The following WDR59 variants were observed in gnomAD, a reference collection of about 807,000 sequenced individuals.
The protein encoded by WDR59 is WD repeat domain 59.
Under a neutral mutation model 131.2 loss-of-function variants are expected in WDR59, and 100 were observed. The ratio of observed to expected loss-of-function variants is 0.76; its 90% CI spans 0.65 to 0.90. The LOEUF (loss-of-function observed/expected upper bound fraction) is 0.90, where lower values mean the gene tolerates loss of function less well. WDR59 is among the 40% of genes least tolerant of loss of function. WDR59 has a pLI of 0.00. For synonymous variants in WDR59, 601 were observed against 466.2 expected, an observed-to-expected ratio of 1.29 and a Z score of -3.72; for missense variants, 1,203 against 1,262.2, an observed-to-expected ratio of 0.95 and a Z score of 0.71.
At position 74,916,273 on chromosome 16, in the gene WDR59, T is replaced by C; in HGVS notation, c.967-14A>G. 6.2e-7 allele frequency: 1 copy of C among 1,613,480 alleles called. No homozygotes were observed. The highest frequency in any genetic ancestry group is 8.5e-7 in the Non-Finnish European group (1 of 1,179,858). On this transcript the variant is annotated splice_polypyrimidine_tract_variant and intron_variant, in intron 11 of 25. Transcript: ENST00000262144. Reference sequence around the variant, plus strand: ...ATTTGCACAAAGCTGCAACAAAGGGTAGAAGATGTAGTTCTAGAGAAGTCC... The same window carrying C: ...ATTTGCACAAAGCTGCAACAAAGGGCAGAAGATGTAGTTCTAGAGAAGTCC...
At chr16:74,978,326 A>T (rs1229305318) in intron 1 of WDR59, among the ~76,000 whole-genome samples, 1 of 150,102 alleles carries the variant, frequency 6.7e-6, no homozygotes, top group Non-Finnish European at 1.5e-5. Context: ...GTCTCAAAAA[A>T]AAAAAAAAAA....
At chr16:74,959,529 G>C in intron 2 of WDR59, 1 of 453,788 alleles carries the variant, frequency 2.2e-6, no homozygotes, top group Admixed American at 2.4e-5. Context: ...GCTGCAGGCC[G>C]AGGCAGAAGC....
At chr16:74,926,925 T>C (rs2030869422) in intron 8 of WDR59, among the ~76,000 whole-genome samples, 1 of 152,350 alleles carries the variant, frequency 6.6e-6, no homozygotes, top group East Asian at 1.9e-4. Context: ...GGGAGAGTTC[T>C]ATGTGCCAAC....
rs907065299 is a variant in WDR59 at position 74,889,871 on chromosome 16, C to T, written c.2083-56G>A. On this transcript the variant is annotated intron_variant, in intron 20 of 25. Transcript: ENST00000262144. ...AACTGGCAAGGACAAGAACCGAAAC[C>T]ATGAAGCAATCCCACCTGTCTTCCA... is the stretch of plus-strand genomic sequence containing the variant. The T allele has an allele frequency of 1.7e-5, 24 of 1,375,586 alleles. 1 individual carries two copies. The highest frequency in any genetic ancestry group is 1.8e-4 in the Middle Eastern group (1 of 5,566). 85.2% of individuals were successfully genotyped at this position (1,375,586 alleles called of 1,614,324 possible).
At chr16:74,944,789 A>G (rs372679689) in intron 6 of WDR59, among the ~76,000 whole-genome samples, 1 of 152,116 alleles carries the variant, frequency 6.6e-6, no homozygotes. Flanking sequence ...CCATTTTTTA[A>G]GAAAGATCTA....
intron 1 of WDR59, among the ~76,000 whole-genome samples, chr16:74,980,504 C>A (rs1272099911): frequency 6.6e-6 from 1 of 151,554 alleles, no homozygotes; most frequent in African/African-American, 2.4e-5. Context: ...CAGGCACACG[C>A]CACCATGCCT....
chr16:74,916,073 A>C, intron 12 of WDR59, 54 bp downstream of exon 12: 1 of 1,613,806 alleles, frequency 6.2e-7, no homozygotes, highest in Non-Finnish European at 8.5e-7. Context: ...ATCTGCCACA[A>C]CTCTGCAATG....
chr16:74,947,977 G>C (rs1327909194), intron 6 of WDR59, among the ~76,000 whole-genome samples: 1 of 152,142 alleles, frequency 6.6e-6, no homozygotes, highest in Admixed American at 6.6e-5. Context: ...GACTGAGGGA[G>C]GAGAATTGCT....
In WDR59 at chr16:74,960,134, A is replaced by G. The variant is rs183242009; in HGVS notation, c.105-3524T>C. Among the ~76,000 whole-genome samples the G allele has an allele frequency of 3.8e-3, 583 of 152,118 alleles. 4 individuals carry two copies. Among genetic ancestry groups the G allele is most frequent in the South Asian group, 7.5e-3 (36 of 4,818 alleles). On this transcript the variant is annotated intron_variant, in intron 2 of 25. Transcript: ENST00000262144. ...TGCCTGAGCTCAGGGGCTTGAGACC[A>G]GCCTGGGCAAAACGGTGAAACCCCG...
chr16:74,968,115 T>C (rs1441794195), intron 1 of WDR59, among the ~76,000 whole-genome samples: 1 of 151,996 alleles, frequency 6.6e-6, no homozygotes, highest in Non-Finnish European at 1.5e-5. Flanking sequence ...AGAATGGAGG[T>C]TGCCAGGGTC....
intron 25 of WDR59, among the ~76,000 whole-genome samples, chr16:74,876,697 A>G (rs570135419): frequency 6.6e-6 from 1 of 152,274 alleles, no homozygotes; most frequent in East Asian, 1.9e-4. Context: ...AAATTCACAA[A>G]GACAGAAAAC....
At chr16:74,891,232 G>A (rs1023296451) in intron 20 of WDR59, among the ~76,000 whole-genome samples, 1 of 151,858 alleles carries the variant, frequency 6.6e-6, no homozygotes, top group African/African-American at 2.4e-5. Flanking sequence ...TCAAAAGAAA[G>A]AAGATATGGA....
chr16:74,955,895 T>C (rs1054630067), intron 3 of WDR59, among the ~76,000 whole-genome samples: 1 of 152,194 alleles, frequency 6.6e-6, no homozygotes, highest in Non-Finnish European at 1.5e-5. Flanking sequence ...CCAGAATCTT[T>C]TTGTATAAAG....
Position 74,921,909 on chromosome 16 carries a change from C to G in WDR59, c.886+38G>C, listed in dbSNP as rs760376552. The G allele has an allele frequency of 8.7e-6, 14 of 1,602,280 alleles. No individual in the cohort carries two copies. The African/African-American group carries it at 1.5e-4, about 17-fold the overall frequency. On this transcript the variant is annotated intron_variant, in intron 10 of 25. Transcript: ENST00000262144. ...CTGACTGGCACCGCTGTCACCAGAG[C>G]TCAGAAGGAAAGTGGGCAGCAGGCC...
At chr16:74,887,273 T>A (rs563443824) in intron 23 of WDR59, among the ~76,000 whole-genome samples, 14 of 151,964 alleles carry the variant, frequency 9.2e-5, no homozygotes, top group South Asian at 4.2e-4. Context: ...GAAACACAAA[T>A]ACACCTTACT....
At position 74,970,894 on chromosome 16, in the gene WDR59, A is replaced by T. The variant is rs979682939; in HGVS notation, c.55-5072T>A. Among the ~76,000 whole-genome samples, 5 of 152,066 alleles carry T rather than the reference A, an allele frequency of 3.3e-5. No homozygotes were observed. The East Asian group carries it at 9.6e-4, about 29-fold the overall frequency. ...ATGATTAAACCACACCTTTTAAAAA[A>T]AAAAAAAATTAGCCAGGAATGGTGT... On this transcript the variant is annotated intron_variant, in intron 1 of 25. Coordinates refer to ENST00000262144, the MANE Select transcript of WDR59 (RefSeq NM_030581.4).
At chr16:74,934,594 T>C (rs1435717931) in intron 8 of WDR59, among the ~76,000 whole-genome samples, 1 of 152,152 alleles carries the variant, frequency 6.6e-6, no homozygotes, top group Non-Finnish European at 1.5e-5. Flanking sequence ...TAATTTCTCC[T>C]TTTCATTTAC....
At position 74,922,031 on chromosome 16, in the gene WDR59, C is replaced by T; in HGVS notation, c.802G>A (p.Val268Ile). Residue 268 changes from valine (V) to isoleucine (I), a missense_variant, in exon 10 of 26, where the codon GTC (valine) becomes ATC (isoleucine). Transcript: ENST00000262144. ...TGGACTGGGGTGTTCAAGTCAAAGA[C>T]ATTCCACAGGAGAAGGCTGTTTTCC... ...RRENSLLLWN[V>I]FDLNTPVHTF... 6.2e-7 allele frequency: 1 copy of T among 1,614,226 alleles called. No homozygotes were observed. The highest frequency in any genetic ancestry group is 8.5e-7 in the Non-Finnish European group (1 of 1,180,044).
chr16:74,928,463 C>T (rs1278992036), intron 8 of WDR59, among the ~76,000 whole-genome samples: 3 of 151,836 alleles, frequency 2.0e-5, no homozygotes, highest in African/African-American at 7.3e-5. Context: ...AAGTGATCTG[C>T]TTGCCTAAAC....
Sources: allele counts gnomAD v4.1 joint callset (sites outside exome capture counted in the v4.1 genomes callset), GRCh38; gene constraint gnomAD v4.1.1; transcripts MANE v1.5; gene names NCBI Gene and HGNC (gene_info 2026-07-23, HGNC 2026-07-21).